The following ERICH6 variants were observed in gnomAD, a reference collection of about 807,000 sequenced individuals.
ERICH6 encodes glutamate-rich protein 6.
In ERICH6, 71 loss-of-function variants were observed where a neutral mutation model predicts 71.0. The observed-to-expected ratio is 1.00, with a 90% CI of 0.83 to 1.22. The LOEUF is 1.22. Ranked by LOEUF, ERICH6 falls within the 50% of genes most tolerant of loss-of-function variation. ERICH6 has a pLI of 0.00. For missense variants in ERICH6, 808 were observed against 797.2 expected, an observed-to-expected ratio of 1.01 and a Z score of -0.16; for synonymous variants, 262 against 278.4, an observed-to-expected ratio of 0.94 and a Z score of 0.59.
intron 9 of ERICH6, among the ~76,000 whole-genome samples, chr3:150,680,205 T>A (rs772961661): frequency 1.8e-4 from 27 of 152,288 alleles, no homozygotes; most frequent in Non-Finnish European, 3.1e-4. Flanking sequence ...ATACTGAACT[T>A]AGAAATAAAA....
At chr3:150,662,631 A>G (rs961301177) in intron 13 of ERICH6, among the ~76,000 whole-genome samples, 7 of 152,188 alleles carry the variant, frequency 4.6e-5, no homozygotes, top group Non-Finnish European at 1.0e-4. Context: ...AAATCTTTCT[A>G]TCTATTTGAA....
intron 11 of ERICH6, 68 bp from the exon 12 acceptor site, chr3:150,669,519 T>A: frequency 6.6e-7 from 1 of 1,518,464 alleles, no homozygotes; most frequent in Non-Finnish European, 9.0e-7. Flanking sequence ...AAATTCAATT[T>A]ATGAGAGAGC....
intron 10 of ERICH6, 132 bp from the exon 11 acceptor site, chr3:150,674,173 C>A: frequency 1.5e-6 from 1 of 666,580 alleles, no homozygotes; most frequent in South Asian, 2.0e-5. Flanking sequence ...GGCCCTGCTT[C>A]AACAACAGGA....
intron 6 of ERICH6, 92 bp from the exon 7 acceptor site, chr3:150,682,408 G>C: frequency 1.1e-6 from 1 of 880,772 alleles, no homozygotes; most frequent in South Asian, 1.4e-5. Flanking sequence ...GGCATGGTCA[G>C]TGAATGGAAC....
intron 10 of ERICH6, among the ~76,000 whole-genome samples, chr3:150,676,248 T>G (rs1198123225): frequency 6.6e-6 from 1 of 152,104 alleles, no homozygotes; most frequent in East Asian, 1.9e-4. Flanking sequence ...AGTTTTTAAT[T>G]TTGATTGTTG....
chr3:150,684,316 G>A (rs933709690), intron 6 of ERICH6, among the ~76,000 whole-genome samples: 1 of 152,148 alleles, frequency 6.6e-6, no homozygotes, highest in Non-Finnish European at 1.5e-5. Flanking sequence ...AAGAGTAAAT[G>A]TTTATAGATA....
At chr3:150,665,488 G>A (rs1727374862) in intron 13 of ERICH6, among the ~76,000 whole-genome samples, 1 of 143,162 alleles carries the variant, frequency 7.0e-6, no homozygotes, top group Non-Finnish European at 1.5e-5. Flanking sequence ...CTGCACTCCA[G>A]CCTGGCGACG....
At chr3:150,697,793 C>T (rs1157954825) in intron 3 of ERICH6, among the ~76,000 whole-genome samples, 1 of 152,150 alleles carries the variant, frequency 6.6e-6, no homozygotes, top group African/African-American at 2.4e-5. Context: ...TGGATTATAT[C>T]ACTTCTCTGC....
At chr3:150,682,996 A>G (rs1286463000) in intron 6 of ERICH6, among the ~76,000 whole-genome samples, 2 of 152,174 alleles carry the variant, frequency 1.3e-5, no homozygotes, top group Non-Finnish European at 2.9e-5. Flanking sequence ...CTGTGATTGC[A>G]CAGGCTCCTG....
At position 150,695,583 on chromosome 3, in the gene ERICH6, G is replaced by A. The variant is rs1445495581; in HGVS notation, c.553+3208C>T. Among the ~76,000 whole-genome samples the A allele has an allele frequency of 3.9e-5, 6 of 152,034 alleles. No homozygotes were observed. In the East Asian group the frequency reaches 7.7e-4, roughly 20 times the overall value. On this transcript the variant is annotated intron_variant, in intron 3 of 13. Transcript: ENST00000295910. ...CTCGGGAAGCTGAGGCAAGAGAATC[G>A]CTTGAACCTGGGAGGCGGAGGTTAC... is the stretch of plus-strand genomic sequence containing the variant.
chr3:150,665,986 T>G (rs1727402688), intron 13 of ERICH6, among the ~76,000 whole-genome samples: 1 of 152,210 alleles, frequency 6.6e-6, no homozygotes, highest in Admixed American at 6.5e-5. Flanking sequence ...TAGTGCCAAG[T>G]ACCACCCTTA....
chr3:150,681,030 A>G, intron 7 of ERICH6, 100 bp from the exon 8 acceptor site: 1 of 1,257,816 alleles, frequency 8.0e-7, no homozygotes, highest in Non-Finnish European at 1.1e-6. Flanking sequence ...ATCCATCATA[A>G]GTTTTTATTC....
intron 3 of ERICH6, among the ~76,000 whole-genome samples, chr3:150,686,783 C>T (rs879364331): frequency 1.3e-5 from 2 of 152,138 alleles, no homozygotes; most frequent in African/African-American, 4.8e-5. Context: ...AAGTCAATAA[C>T]TTTTACCTTT....
chr3:150,690,672 T>TAATATTAG (rs1443064929), intron 3 of ERICH6, among the ~76,000 whole-genome samples: 1 of 152,216 alleles, frequency 6.6e-6, no homozygotes, highest in Admixed American at 6.5e-5. Context: ...ATTGGTAAAG[T>TAATATTAG]AATATTAGAA....
At chr3:150,682,375 A>G (rs1712005083) in intron 6 of ERICH6, 59 bp from the exon 7 acceptor site, 1 of 1,339,012 alleles carries the variant, frequency 7.5e-7, no homozygotes, top group South Asian at 1.2e-5. Flanking sequence ...AGAGGCTCTG[A>G]GAGCAGCAGG....
At chr3:150,670,473 C>T (rs1341646658) in intron 11 of ERICH6, among the ~76,000 whole-genome samples, 2 of 126,710 alleles carry the variant, frequency 1.6e-5, no homozygotes, top group Non-Finnish European at 3.2e-5. Flanking sequence ...CAGGGCAAGA[C>T]TCCATCTCAA....
chr3:150,672,043 G>T (rs1711505221), intron 11 of ERICH6, among the ~76,000 whole-genome samples: 1 of 152,016 alleles, frequency 6.6e-6, no homozygotes, highest in African/African-American at 2.4e-5. Context: ...AACCACTTTT[G>T]TTCAGTAATA....
chr3:150,689,652 T>A (rs1260557251), intron 3 of ERICH6, among the ~76,000 whole-genome samples: 1 of 152,200 alleles, frequency 6.6e-6, no homozygotes, highest in Non-Finnish European at 1.5e-5. Context: ...CCTCCTAGAA[T>A]CTTGTCCCTT....
chr3:150,701,955 C>G (rs1712887310), intron 2 of ERICH6, among the ~76,000 whole-genome samples, 166 bp downstream of exon 2: 1 of 151,994 alleles, frequency 6.6e-6, no homozygotes, highest in Non-Finnish European at 1.5e-5. Flanking sequence ...TAAGTGGGAA[C>G]CTTTATCTCT....
Sources: allele counts gnomAD v4.1 joint callset (sites outside exome capture counted in the v4.1 genomes callset), GRCh38; gene constraint gnomAD v4.1.1; transcripts MANE v1.5; gene names NCBI Gene and HGNC (gene_info 2026-07-23, HGNC 2026-07-21).